SLC9A3: variants seen among roughly 807,000 people sequenced by gnomAD.
SLC9A3 encodes the protein sodium/hydrogen exchanger 3.
SLC9A3 carries 37 observed loss-of-function variants against 86.8 expected under a neutral mutation model. The observed-to-expected ratio is 0.43, with a 90% CI of 0.33 to 0.56. The LOEUF (loss-of-function observed/expected upper bound fraction) is 0.56, where lower values mean the gene tolerates loss of function less well. Among genes scored for constraint, SLC9A3 ranks in the 20% least tolerant of loss-of-function variants. The probability of loss-of-function intolerance (pLI) is 0.06; values close to 1 mark genes in which losing one functional copy is unlikely to be tolerated. For missense variants in SLC9A3, 1,011 were observed against 1,171.9 expected (o/e 0.86, Z 2.00); for synonymous variants, 581 against 528.3 (o/e 1.10, Z -1.37).
rs1345176169 is a variant in SLC9A3, at chr5:472,123, C to T, written c.*1256G>A. 12 of 402,674 alleles carry T rather than the reference C, an allele frequency of 3.0e-5. No individual in the cohort carries two copies. The highest frequency in any genetic ancestry group is 2.0e-4 in the South Asian group (11 of 54,878). 24.9% of individuals were successfully genotyped at this position (402,674 alleles called of 1,614,324 possible). A position where few individuals can be genotyped will look rare whatever the true frequency, so the allele number is the denominator to read the frequency against. On this transcript the variant is annotated 3_prime_UTR_variant, in exon 17 of 17. Coordinates refer to ENST00000264938, the MANE Select transcript of SLC9A3 (RefSeq NM_004174.4). ...TGCCGTCTGAGGGATGGATGGACTC[C>T]GAGCACCCTCCCCGGCTCAGCACCC... is the stretch of plus-strand genomic sequence containing the variant.
chr5:500,311 C>G (rs992494390), intron 1 of SLC9A3, among the ~76,000 whole-genome samples: 3 of 152,246 alleles, frequency 2.0e-5, no homozygotes, highest in South Asian at 4.1e-4. Context: ...TCCGGCACCA[C>G]TGGGACACGC....
intron 3 of SLC9A3, 62 bp downstream of exon 3, chr5:488,254 G>C (rs1388870799): frequency 1.9e-6 from 3 of 1,573,100 alleles, no homozygotes; most frequent in African/African-American, 2.7e-5. Context: ...CCGATGGGGG[G>C]TGAGACGGGG....
At chr5:486,811 C>G (rs1359519185) in intron 3 of SLC9A3, among the ~76,000 whole-genome samples, 2 of 152,206 alleles carry the variant, frequency 1.3e-5, no homozygotes, top group Admixed American at 6.5e-5. Flanking sequence ...AAGGCACCGT[C>G]TGCAAGTCCA....
intron 10 of SLC9A3, 92 bp downstream of exon 10, chr5:479,744 T>G: frequency 1.5e-6 from 2 of 1,340,150 alleles, no homozygotes; most frequent in South Asian, 1.2e-5. Context: ...GGGACGCGGG[T>G]GCAGGGGCCT....
rs569422184 is a variant in SLC9A3, at chr5:510,618, C to T, written c.211+13494G>A. ...GCCTGGCAGGCAAACATGCCCAGTG[C>T]ATTTTCAGGCATTTGCTGAGGGCCC... On this transcript the variant is annotated intron_variant, in intron 1 of 16. Coordinates refer to ENST00000264938, the MANE Select transcript of SLC9A3 (RefSeq NM_004174.4). Among the ~76,000 whole-genome samples the T allele has an allele frequency of 4.6e-5, 7 of 152,362 alleles. No homozygotes were observed. The South Asian group carries it at 1.5e-3, about 32-fold the overall frequency.
At position 494,801 on chromosome 5, in the gene SLC9A3, G is replaced by A. The variant is rs1167921857; in HGVS notation, c.212-2730C>T. ...GTGCCTAGCAAAGCCGGGCACAGCC[G>A]TGGTGATGGTGACCCCCTGGAGGCT... On this transcript the variant is annotated intron_variant, in intron 1 of 16. Coordinates refer to ENST00000264938, the MANE Select transcript of SLC9A3 (RefSeq NM_004174.4). 2.6e-5 allele frequency among the ~76,000 whole-genome samples: 4 copies of A among 152,300 alleles called. No individual in the cohort carries two copies. The East Asian group carries it at 7.7e-4, about 29-fold the overall frequency.
chr5:472,469 A>G lies in SLC9A3; in HGVS notation c.*910T>C. On this transcript the variant is annotated 3_prime_UTR_variant, in exon 17 of 17. Transcript: ENST00000264938. ...AGCTCCGCCCGCCAGGCCACCTCTC[A>G]CCCAGCCAGGGCACCCCGGGCGACC... 1 of 334,008 alleles carries G rather than the reference A, an allele frequency of 3.0e-6. No homozygotes were observed. The allele number at this position is 334,008 out of a possible 1,614,324, so 20.7% of individuals were successfully genotyped here.
chr5:502,900 C>T (rs375867072), intron 1 of SLC9A3, among the ~76,000 whole-genome samples: 3 of 129,704 alleles, frequency 2.3e-5, no homozygotes, highest in East Asian at 3.9e-4. Flanking sequence ...CCAGTGAGGC[C>T]GAAAGCCGCC....
intron 1 of SLC9A3, among the ~76,000 whole-genome samples, chr5:504,982 G>A (rs950556807): frequency 7.9e-5 from 12 of 151,890 alleles, no homozygotes; most frequent in Non-Finnish European, 1.6e-4. Context: ...GTGCTGAGAA[G>A]CAGGGGCCAG....
intron 1 of SLC9A3, among the ~76,000 whole-genome samples, chr5:511,047 C>G (rs1740850426): frequency 6.6e-6 from 1 of 152,184 alleles, no homozygotes. Context: ...GGCTCAGATA[C>G]CTGCCCATCC....
chr5:476,536 T>C lies in SLC9A3; in HGVS notation c.1890+7A>G. 1 of 1,610,626 alleles carries C rather than the reference T, an allele frequency of 6.2e-7. No individual in the cohort carries two copies. The highest frequency in any genetic ancestry group is 8.5e-7 in the Non-Finnish European group (1 of 1,179,480). On this transcript the variant is annotated splice_region_variant and intron_variant, in intron 12 of 16. Transcript: ENST00000264938. ...GGGTCCTCCAGCCCCCAGCCCGCAGTGCCCACCTCCTGCCGCGGCTTGTAC... is the reference window on the plus strand; with the variant it reads ...GGGTCCTCCAGCCCCCAGCCCGCAGCGCCCACCTCCTGCCGCGGCTTGTAC...
chr5:486,576 G>A (rs1176558100), intron 3 of SLC9A3, among the ~76,000 whole-genome samples: 3 of 152,116 alleles, frequency 2.0e-5, no homozygotes, highest in Non-Finnish European at 2.9e-5. Context: ...GGGCTCTGCC[G>A]TTAGCACCAG....
At chr5:487,701 T>C (rs1421020340) in intron 3 of SLC9A3, among the ~76,000 whole-genome samples, 1 of 152,264 alleles carries the variant, frequency 6.6e-6, no homozygotes, top group Non-Finnish European at 1.5e-5. Context: ...GGAGTCTCAC[T>C]CTGTCACCCA....
intron 10 of SLC9A3, 91 bp from the exon 11 acceptor site, chr5:477,535 G>A (rs1162036767): frequency 7.1e-6 from 6 of 841,108 alleles, no homozygotes; most frequent in South Asian, 1.7e-5. Flanking sequence ...CCCAGAGCTC[G>A]GGGCCCGGGG....
At chr5:473,482 G>C in intron 16 of SLC9A3, 100 bp from the exon 17 acceptor site, 3 of 1,036,620 alleles carry the variant, frequency 2.9e-6, no homozygotes, top group Non-Finnish European at 3.7e-6. Flanking sequence ...GGCGGCTCTC[G>C]CCTCCCCTCC....
chr5:485,376 C>G (rs550225916), intron 3 of SLC9A3, 145 bp from the exon 4 acceptor site: 16 of 700,342 alleles, frequency 2.3e-5, no homozygotes, highest in Non-Finnish European at 4.1e-5. Context: ...GGGCAATGGC[C>G]CCCAAAGGGG....
chr5:503,828 G>A (rs549355190), intron 1 of SLC9A3, among the ~76,000 whole-genome samples: 294 of 152,332 alleles, frequency 1.9e-3, no homozygotes, highest in Non-Finnish European at 2.8e-3. Context: ...AGGCGTGTCT[G>A]CTGGAAATCT....
Position 522,069 on chromosome 5 carries a change from G to A in SLC9A3, c.211+2043C>T, listed in dbSNP as rs146247820. ...AAGGGCAGGTCTGGAGAGGGTCTGCGCCTGTGGGATACCGCGATGAGCTCC... is the reference window on the plus strand; with the variant it reads ...AAGGGCAGGTCTGGAGAGGGTCTGCACCTGTGGGATACCGCGATGAGCTCC... On this transcript the variant is annotated intron_variant, in intron 1 of 16. Transcript: ENST00000264938. Among the ~76,000 whole-genome samples the A allele has an allele frequency of 4.4e-3, 665 of 151,892 alleles. 2 individuals are homozygous for A. The highest frequency in any genetic ancestry group is 6.5e-3 in the Non-Finnish European group (444 of 67,938).
intron 10 of SLC9A3, chr5:479,474 T>C: frequency 7.7e-6 from 2 of 258,982 alleles, no homozygotes; most frequent in Non-Finnish European, 1.5e-5. Flanking sequence ...TGTGCACCTG[T>C]GGGCACCTGC....
Sources: allele counts gnomAD v4.1 joint callset (sites outside exome capture counted in the v4.1 genomes callset), GRCh38; gene constraint gnomAD v4.1.1; transcripts MANE v1.5; gene names NCBI Gene and HGNC (gene_info 2026-07-23, HGNC 2026-07-21).